The following EXOC3 variants were observed in gnomAD, a reference collection of about 807,000 sequenced individuals.
The protein encoded by EXOC3 is SEC6-like 1.
EXOC3 carries 21 observed loss-of-function variants against 73.7 expected under a neutral mutation model. That is an observed-to-expected ratio of 0.29 (90% confidence interval 0.20 to 0.41). EXOC3 has a LOEUF of 0.41. Ranked by LOEUF, EXOC3 falls within the 10% of genes least tolerant of loss-of-function variation. EXOC3 has a pLI of 1.00. For synonymous variants in EXOC3, 410 were observed against 389.1 expected, an observed-to-expected ratio of 1.05 and a Z score of -0.63; for missense variants, 842 against 985.1, an observed-to-expected ratio of 0.85 and a Z score of 1.95.
chr5:457,863 CTCTCT>C, intron 5 of EXOC3, 32 bp from the exon 6 acceptor site: 1 of 1,584,352 alleles, frequency 6.3e-7, no homozygotes. Flanking sequence ...ACCTGCTCTT[CTCTCT>C]TCTCTTCTCC....
At chr5:456,373 G>C (rs2126580707) in intron 4 of EXOC3, among the ~76,000 whole-genome samples, 1 of 139,830 alleles carries the variant, frequency 7.2e-6, no homozygotes, top group South Asian at 2.3e-4. Context: ...GGTTGAGTCA[G>C]TGGACGTGGC....
intron 6 of EXOC3, among the ~76,000 whole-genome samples, chr5:459,152 A>G (rs561029824): frequency 1.3e-5 from 2 of 151,208 alleles, no homozygotes; most frequent in African/African-American, 2.4e-5. Context: ...GAAATGAGTC[A>G]CTTGGTACTT....
chr5:461,772 A>G (rs1410154645), intron 7 of EXOC3, 188 bp from the exon 8 acceptor site: 53 of 588,220 alleles, frequency 9.0e-5, no homozygotes, highest in Non-Finnish European at 2.1e-5. Flanking sequence ...TTTTTGATCC[A>G]TTTAAAGTAA....
At chr5:462,411 T>A in intron 9 of EXOC3, 104 bp downstream of exon 9, 1 of 1,336,746 alleles carries the variant, frequency 7.5e-7, no homozygotes, top group Non-Finnish European at 1.1e-6. Flanking sequence ...GGATGCCGTC[T>A]GGGGAGCCGG....
chr5:448,434 C>G (rs1195910133), intron 3 of EXOC3, among the ~76,000 whole-genome samples: 2 of 152,208 alleles, frequency 1.3e-5, no homozygotes. Flanking sequence ...GGTCCCCGCT[C>G]TGTGTCAAGG....
intron 7 of EXOC3, among the ~76,000 whole-genome samples, chr5:460,956 G>T (rs1737964970): frequency 6.6e-6 from 1 of 152,174 alleles, no homozygotes; most frequent in East Asian, 1.9e-4. Context: ...GGTATTTGTT[G>T]TATGATTCTT....
Position 465,801 on chromosome 5 carries a change from C to G in EXOC3, c.2022C>G (p.Leu674=), listed in dbSNP as rs371740847. ...EVIKLTDPSL[L]YLEVSTLVSK... ...TCAAGCTGACAGACCCTTCTCTGCT[C>G]TACCTGGAGGTCTCCACTCTGGTCA... The change falls in exon 12 of 13, where the codon CTC becomes CTG. Residue 674 remains leucine (L), a synonymous_variant. Coordinates refer to ENST00000512944, the MANE Select transcript of EXOC3 (RefSeq NM_007277.5). 7.1e-5 allele frequency: 114 copies of G among 1,613,324 alleles called. No individual in the cohort carries two copies. The Middle Eastern group carries it at 4.8e-3, about 68-fold the overall frequency.
At chr5:443,578 A>G (rs559602412) in intron 1 of EXOC3, among the ~76,000 whole-genome samples, 132 of 150,258 alleles carry the variant, frequency 8.8e-4, no homozygotes, top group African/African-American at 3.1e-3. Context: ...TGTCCCCTTA[A>G]CAGTGTCTTC....
intron 4 of EXOC3, among the ~76,000 whole-genome samples, chr5:455,868 T>C (rs1337751547): frequency 6.6e-6 from 1 of 152,132 alleles, no homozygotes; most frequent in African/African-American, 2.4e-5. Context: ...CTTCCCAAAG[T>C]GCTGGGATTA....
At chr5:459,178 T>C (rs552167782) in intron 6 of EXOC3, among the ~76,000 whole-genome samples, 181 bp from the exon 7 acceptor site, 3 of 95,664 alleles carry the variant, frequency 3.1e-5, no homozygotes, top group Non-Finnish European at 5.8e-5. Context: ...GGTGAGAAAG[T>C]TGTTTTTTTT....
chr5:465,380 C>A, intron 11 of EXOC3, 108 bp downstream of exon 11: 2 of 1,307,330 alleles, frequency 1.5e-6, no homozygotes, highest in Non-Finnish European at 2.1e-6. Context: ...GTGTGTTTGT[C>A]AGGCGGGGGG....
intron 11 of EXOC3, 71 bp downstream of exon 11, chr5:465,343 A>G (rs1413955092): frequency 6.7e-7 from 1 of 1,500,540 alleles, no homozygotes; most frequent in Non-Finnish European, 9.0e-7. Context: ...CCACCCCGGG[A>G]CTCGGGCCAG....
chr5:454,018 G>A lies in EXOC3; in HGVS notation c.1013G>A (p.Ser338Asn). Residue 338 changes from serine to asparagine, a missense_variant, in exon 4 of 13, where the codon AGC (serine) becomes AAC (asparagine). Physicochemically the swap from Ser to Asn is conservative, Grantham distance 46. Transcript: ENST00000512944. ...SEDLEANEIV[S>N]LLTWVLNTYT... Reference sequence around the variant, plus strand: ...GACCTGGAAGCCAATGAGATCGTGAGCCTCTTGACGTGGGTCTTAAACACC... The same window carrying A: ...GACCTGGAAGCCAATGAGATCGTGAACCTCTTGACGTGGGTCTTAAACACC... The A allele has an allele frequency of 6.2e-7, 1 of 1,612,052 alleles. No individual in the cohort carries two copies. Among genetic ancestry groups the A allele is most frequent in the Non-Finnish European group, 8.5e-7 (1 of 1,178,954 alleles).
intron 7 of EXOC3, chr5:461,612 CAAAAA>C: frequency 5.1e-6 from 1 of 195,962 alleles, no homozygotes; most frequent in Non-Finnish European, 1.0e-5. Flanking sequence ...GACTCTATCT[CAAAAA>C]AAAAAAAAGA....
chr5:457,911 C>T lies in EXOC3; in HGVS notation c.1176C>T (p.Ile392=), dbSNP rs771174200. The T allele has an allele frequency of 8.1e-6, 13 of 1,606,602 alleles. No individual in the cohort carries two copies. The highest frequency in any genetic ancestry group is 1.7e-5 in the Admixed American group (1 of 58,934). ...TGAACTTTCTTTAGTCAAACATCATCGCCTGGCTGCGGAAAGCGCTGGAGA... is the reference window on the plus strand; with the variant it reads ...TGAACTTTCTTTAGTCAAACATCATTGCCTGGCTGCGGAAAGCGCTGGAGA... ...TYMSTLTSNI[I]AWLRKALETD... The change falls in exon 6 of 13, where the codon ATC becomes ATT. Residue 392 remains isoleucine, a synonymous_variant. Coordinates refer to ENST00000512944, the MANE Select transcript of EXOC3 (RefSeq NM_007277.5).
At chr5:451,183 T>C (rs145693815) in intron 3 of EXOC3, among the ~76,000 whole-genome samples, 14 of 152,352 alleles carry the variant, frequency 9.2e-5, no homozygotes, top group African/African-American at 3.1e-4. Flanking sequence ...TTTAATTCCC[T>C]TGTTTCTTTT....
chr5:457,102 A>G, intron 5 of EXOC3, 96 bp downstream of exon 5: 1 of 819,830 alleles, frequency 1.2e-6, no homozygotes, highest in Non-Finnish European at 2.1e-6. Context: ...GAAATGCCTT[A>G]GCGTTGACTT....
intron 4 of EXOC3, 68 bp from the exon 5 acceptor site, chr5:456,821 C>A: frequency 1.7e-6 from 2 of 1,202,138 alleles, no homozygotes; most frequent in South Asian, 1.3e-5. Context: ...GAAACAGTCT[C>A]GGCACACTTG....
At chr5:449,371 G>T (rs887127541) in intron 3 of EXOC3, among the ~76,000 whole-genome samples, 1 of 152,096 alleles carries the variant, frequency 6.6e-6, no homozygotes, top group Non-Finnish European at 1.5e-5. Flanking sequence ...TCATATTGTT[G>T]TGCAACCATT....
Sources: gnomAD v4.1 joint callset for allele counts (sites outside exome capture counted in the v4.1 genomes callset) on GRCh38, gnomAD v4.1.1 for gene constraint, MANE v1.5 for transcripts, NCBI Gene and HGNC (gene_info 2026-07-23, HGNC 2026-07-21) for gene names.